The following ADGRD1 variants were observed in gnomAD, a reference collection of about 807,000 sequenced individuals.
The protein encoded by ADGRD1 is G-protein coupled receptor 133.
Under a neutral mutation model 113.4 loss-of-function variants are expected in ADGRD1, and 77 were observed. That is an observed-to-expected ratio of 0.68 (90% CI 0.57 to 0.82). The LOEUF is 0.82. Ranked by LOEUF, ADGRD1 falls within the 40% of genes least tolerant of loss-of-function variation. The probability of loss-of-function intolerance (pLI) is 0.00; values close to 1 mark genes in which losing one functional copy is unlikely to be tolerated. For synonymous variants in ADGRD1, 474 were observed against 475.0 expected, an observed-to-expected ratio of 1.00 and a Z score of 0.03; for missense variants, 1,036 against 1,139.1, an observed-to-expected ratio of 0.91 and a Z score of 1.30.
chr12:131,046,490 T>C (rs1420577904), intron 13 of ADGRD1, among the ~76,000 whole-genome samples: 1 of 136,214 alleles, frequency 7.3e-6, no homozygotes, highest in Admixed American at 7.2e-5. Context: ...CCCTGGTCAG[T>C]GTCCTCCCTG....
rs538298807 is a variant in ADGRD1 at position 131,083,048 on chromosome 12, G to A, written c.1548-1492G>A. 7.9e-5 allele frequency among the ~76,000 whole-genome samples: 12 copies of A among 152,334 alleles called. No individual in the cohort carries two copies. The East Asian group carries it at 2.1e-3, about 27-fold the overall frequency. ...TGCGTGTTCCATCTGGTAGACATTGGCCAGAGAGGTACAAGCTGGGGTCTT... is the reference window on the plus strand; with the variant it reads ...TGCGTGTTCCATCTGGTAGACATTGACCAGAGAGGTACAAGCTGGGGTCTT... On this transcript the variant is annotated intron_variant, in intron 14 of 24. Transcript: ENST00000261654.
Position 131,082,797 on chromosome 12 carries a change from G to A in ADGRD1, c.1548-1743G>A, listed in dbSNP as rs137866459. Among the ~76,000 whole-genome samples, 1,082 of 152,274 alleles carry A rather than the reference G, an allele frequency of 7.1e-3. 10 individuals carry two copies. The highest frequency in any genetic ancestry group is 0.025 in the African/African-American group (1,034 of 41,544). On this transcript the variant is annotated intron_variant, in intron 14 of 24. Transcript: ENST00000261654. ...GGGTTTTGCTCCTCTCAGTTGGTAC[G>A]TCTGAGTGGCTCTCGCTTTGTCCTC... is the stretch of plus-strand genomic sequence containing the variant.
Position 131,027,669 on chromosome 12 carries a change from A to G in ADGRD1, c.1473+13329A>G, listed in dbSNP as rs949453979. ...TACTGAGGGGAGCAGGTAGAATTGTAGAGTCACAGAGAAACAAATTAGAGC... is the reference window on the plus strand; with the variant it reads ...TACTGAGGGGAGCAGGTAGAATTGTGGAGTCACAGAGAAACAAATTAGAGC... On this transcript the variant is annotated intron_variant, in intron 13 of 24. Transcript: ENST00000261654. This position sits in a 1 kb window ranked among gnomAD's most constrained non-coding sequence, Gnocchi z 5.1. The G allele has an allele frequency of 6.6e-6, 1 of 152,196 alleles. No individual in the cohort carries two copies. The highest frequency in any genetic ancestry group is 2.4e-5 in the African/African-American group (1 of 41,448). The allele number at this position is 152,196 out of a possible 1,614,324, so 9.4% of individuals were successfully genotyped here.
At chr12:130,980,205 C>T (rs986734118) in intron 4 of ADGRD1, among the ~76,000 whole-genome samples, 15 of 149,452 alleles carry the variant, frequency 1.0e-4, no homozygotes, top group South Asian at 2.1e-4. Context: ...CCCGGGTTCA[C>T]GCCATTCTCC....
chr12:130,981,944 C>T lies in ADGRD1; in HGVS notation c.371C>T (p.Ala124Val), dbSNP rs749318936. ...GAACAGTCTAGACCAATCCCTTCTGCGTATGGGGGACAGGTCATCTCCAAT... is the reference window on the plus strand; with the variant it reads ...GAACAGTCTAGACCAATCCCTTCTGTGTATGGGGGACAGGTCATCTCCAAT... ...QGEQSRPIPSAYGGQVISNGF... is the reference protein window; with the variant it reads ...QGEQSRPIPSVYGGQVISNGF... The change falls in exon 5 of 25, where the codon GCG (alanine) becomes GTG (valine). Residue 124 changes from alanine (A) to valine (V), a missense_variant. Physicochemically the swap from Ala to Val is moderately conservative, Grantham distance 64 (BLOSUM62 0). Transcript: ENST00000261654. The T allele has an allele frequency of 8.6e-5, 139 of 1,613,488 alleles. 1 individual carries two copies. In the Middle Eastern group the frequency reaches 1.5e-3, roughly 17 times the overall value.
chr12:131,129,086 C>T (rs1382070513), intron 20 of ADGRD1, among the ~76,000 whole-genome samples: 1 of 135,390 alleles, frequency 7.4e-6, no homozygotes, highest in African/African-American at 2.8e-5. Context: ...AGTGACAGCC[C>T]CGCCCTGCTG....
At chr12:131,059,529 T>A (rs1566073409) in intron 13 of ADGRD1, among the ~76,000 whole-genome samples, 1 of 152,198 alleles carries the variant, frequency 6.6e-6, no homozygotes, top group Non-Finnish European at 1.5e-5. Flanking sequence ...ACTTCTAAAT[T>A]TTCCATTTGG....
rs1950343307 is a variant in ADGRD1 at position 131,111,351 on chromosome 12, C to A, written c.2041+2474C>A. On this transcript the variant is annotated intron_variant, in intron 18 of 24. Coordinates refer to ENST00000261654, the MANE Select transcript of ADGRD1 (RefSeq NM_198827.5). ...AAGCAGTCCGCCCACTTCAGCCTCC[C>A]AAAGGGCTGGGATTACAGGCGTGAG... Among the ~76,000 whole-genome samples the A allele has an allele frequency of 2.0e-5, 3 of 151,952 alleles. No individual in the cohort carries two copies. In the South Asian group the frequency reaches 6.2e-4, roughly 32 times the overall value.
At chr12:131,066,063 GGCCA>G (rs1383022382) in intron 13 of ADGRD1, among the ~76,000 whole-genome samples, 1 of 152,164 alleles carries the variant, frequency 6.6e-6, no homozygotes, top group Non-Finnish European at 1.5e-5. Flanking sequence ...CCCAGGGCCG[GGCCA>G]GGGGCCCTTA....
chr12:131,028,694 A>T (rs1880263315), intron 13 of ADGRD1, among the ~76,000 whole-genome samples: 1 of 152,108 alleles, frequency 6.6e-6, no homozygotes, highest in Non-Finnish European at 1.5e-5. Flanking sequence ...TGGGAAGACC[A>T]ACCTCTCCCC....
At chr12:131,085,382 G>A (rs552794573) in intron 15 of ADGRD1, among the ~76,000 whole-genome samples, 3 of 152,070 alleles carry the variant, frequency 2.0e-5, no homozygotes, top group Admixed American at 1.3e-4. Context: ...TGGCATGGCC[G>A]TGGATGGAGC....
chr12:131,115,422 G>A (rs1450395063), intron 18 of ADGRD1, among the ~76,000 whole-genome samples: 4 of 152,172 alleles, frequency 2.6e-5, no homozygotes, highest in Non-Finnish European at 5.9e-5. Context: ...CGCGTGTGGG[G>A]CATCTGGAAA....
At chr12:131,000,660 G>A (rs1051145772) in intron 9 of ADGRD1, among the ~76,000 whole-genome samples, 11 of 149,558 alleles carry the variant, frequency 7.4e-5, no homozygotes, top group African/African-American at 2.7e-4. Flanking sequence ...AGAATTGCTG[G>A]AACCTGGGAG....
intron 14 of ADGRD1, among the ~76,000 whole-genome samples, chr12:131,080,571 A>G (rs1276765891): frequency 6.6e-6 from 1 of 152,152 alleles, no homozygotes; most frequent in South Asian, 2.1e-4. Context: ...AGGAGTGTGA[A>G]TTCTCCAATT....
rs1181747264 is a variant in ADGRD1, at chr12:130,954,943, C to G, written c.103+283C>G. ...ATCTTCATTTGAATGCCTTCTGCCTCTTTCTTTCTCTCTTTCTCTCTTTCT... is the reference window on the plus strand; with the variant it reads ...ATCTTCATTTGAATGCCTTCTGCCTGTTTCTTTCTCTCTTTCTCTCTTTCT... On this transcript the variant is annotated intron_variant, in intron 2 of 24. Transcript: ENST00000261654. The surrounding 1 kb of genome is among the most constrained non-coding windows in gnomAD (Gnocchi z 4.7). Among the ~76,000 whole-genome samples, 1 of 151,900 alleles carries G rather than the reference C, an allele frequency of 6.6e-6. No individual in the cohort carries two copies. The highest frequency in any genetic ancestry group is 1.5e-5 in the Non-Finnish European group (1 of 67,988).
intron 15 of ADGRD1, among the ~76,000 whole-genome samples, chr12:131,093,290 AG>A (rs1887036410): frequency 6.6e-6 from 1 of 152,144 alleles, no homozygotes; most frequent in Non-Finnish European, 1.5e-5. Flanking sequence ...TTTCTGAGTC[AG>A]AGGAGTCCGT....
intron 6 of ADGRD1, chr12:130,990,752 A>C (rs1471907343): frequency 2.8e-6 from 1 of 355,344 alleles, no homozygotes; most frequent in East Asian, 5.3e-5. Flanking sequence ...TCATCTTTTG[A>C]TATGCTGACT....
At chr12:130,989,274 G>A (rs1343811586) in intron 6 of ADGRD1, 1 of 152,212 alleles carries the variant, frequency 6.6e-6, no homozygotes, top group Non-Finnish European at 1.5e-5. Flanking sequence ...CCTCCTGACA[G>A]TTTACTTGTT....
intron 3 of ADGRD1, chr12:130,967,665 T>G (rs183995324): frequency 6.6e-6 from 1 of 152,340 alleles, no homozygotes; most frequent in South Asian, 2.1e-4. Flanking sequence ...CTGAAATGTT[T>G]CCTTAAAATT....
Sources: allele counts gnomAD v4.1 joint callset (sites outside exome capture counted in the v4.1 genomes callset), GRCh38; gene constraint gnomAD v4.1.1; non-coding constraint Gnocchi (gnomAD v3.1); transcripts MANE v1.5; gene names NCBI Gene and HGNC (gene_info 2026-07-23, HGNC 2026-07-21).